The following PDZRN3 variants were observed in gnomAD, a reference collection of about 807,000 sequenced individuals.
PDZRN3 encodes PDZ domain containing ring finger 3, also known as E3 ubiquitin-protein ligase PDZRN3.
PDZRN3 carries 38 observed loss-of-function variants against 85.7 expected under a neutral mutation model. The ratio of observed to expected loss-of-function variants is 0.44; its 90% confidence interval spans 0.34 to 0.58. The LOEUF is 0.58. Among genes scored for constraint, PDZRN3 ranks in the 20% least tolerant of loss-of-function variants. The pLI is 0.01. For synonymous variants in PDZRN3, 759 were observed against 638.0 expected (o/e 1.19, Z -2.86); for missense variants, 1,629 against 1,506.4 (o/e 1.08, Z -1.35).
At chr3:73,427,902 G>A (rs1264664523) in intron 3 of PDZRN3, among the ~76,000 whole-genome samples, 2 of 152,216 alleles carry the variant, frequency 1.3e-5, no homozygotes. Flanking sequence ...AAATACAGGA[G>A]CGGTGCACAG....
chr3:73,624,067 C>A, intron 1 of PDZRN3, 36 bp downstream of exon 1: 1 of 1,406,660 alleles, frequency 7.1e-7, no homozygotes, highest in Non-Finnish European at 9.2e-7. Context: ...CCCCAGGGAT[C>A]CTGGCTGGAG....
chr3:73,537,463 C>G (rs908003049), intron 3 of PDZRN3, among the ~76,000 whole-genome samples: 4 of 152,198 alleles, frequency 2.6e-5, no homozygotes, highest in Non-Finnish European at 4.4e-5. Flanking sequence ...ACCTGTGACA[C>G]TAATCAGTCT....
chr3:73,390,654 T>TGTGTGTGTGAGAGAGA, intron 6 of PDZRN3, among the ~76,000 whole-genome samples: 1 of 140,052 alleles, frequency 7.1e-6, no homozygotes, highest in South Asian at 2.4e-4. Context: ...TGTGTGTGTG[T>TGTGTGTGTGAGAGAGA]GAGAGAGAGA....
chr3:73,412,819 A>G (rs1424183282), intron 3 of PDZRN3, among the ~76,000 whole-genome samples: 1 of 152,224 alleles, frequency 6.6e-6, no homozygotes, highest in Non-Finnish European at 1.5e-5. Flanking sequence ...GCTATTTATT[A>G]TCCTCATTGA....
chr3:73,462,992 T>C (rs1037800347), intron 3 of PDZRN3, among the ~76,000 whole-genome samples: 1 of 152,234 alleles, frequency 6.6e-6, no homozygotes, highest in African/African-American at 2.4e-5. Flanking sequence ...TCAGTCATTT[T>C]GTTTTGTGAC....
At chr3:73,413,166 A>C (rs1031689307) in intron 3 of PDZRN3, among the ~76,000 whole-genome samples, 2 of 152,132 alleles carry the variant, frequency 1.3e-5, no homozygotes, top group Non-Finnish European at 1.5e-5. Flanking sequence ...CCTCATCTAT[A>C]AACAGGGTTG....
At chr3:73,448,762 T>G (rs893629400) in intron 3 of PDZRN3, among the ~76,000 whole-genome samples, 2 of 152,184 alleles carry the variant, frequency 1.3e-5, no homozygotes, top group Non-Finnish European at 2.9e-5. Context: ...GCCAGAATAA[T>G]TTGTGGCTAC....
At chr3:73,436,673 A>G (rs1702536157) in intron 3 of PDZRN3, among the ~76,000 whole-genome samples, 1 of 152,176 alleles carries the variant, frequency 6.6e-6, no homozygotes, top group Non-Finnish European at 1.5e-5. Context: ...AAGCTGGGAC[A>G]GTTTTACTGC....
intron 8 of PDZRN3, among the ~76,000 whole-genome samples, chr3:73,386,856 C>CTG (rs1701403442): frequency 2.9e-5 from 2 of 69,022 alleles, no homozygotes; most frequent in African/African-American, 1.4e-4. Context: ...CACTGTCTGT[C>CTG]TCTCGGCTTT....
At chr3:73,566,403 A>G (rs1404946028) in intron 3 of PDZRN3, among the ~76,000 whole-genome samples, 1 of 152,236 alleles carries the variant, frequency 6.6e-6, no homozygotes, top group Non-Finnish European at 1.5e-5. Flanking sequence ...TTATCCATAA[A>G]ATTCTCTTAG....
At chr3:73,403,611 A>T (rs193015059) in intron 4 of PDZRN3, among the ~76,000 whole-genome samples, 1 of 152,266 alleles carries the variant, frequency 6.6e-6, no homozygotes, top group East Asian at 1.9e-4. Context: ...AAATAAGTTG[A>T]GAGAAGAGGT....
rs1411624848 is a variant in PDZRN3 at position 73,384,653 on chromosome 3, A to C, written c.1913T>G (p.Ile638Ser). The C allele has an allele frequency of 1.2e-6, 2 of 1,613,916 alleles. No individual in the cohort carries two copies. The highest frequency in any genetic ancestry group is 3.3e-5 in the Admixed American group (2 of 60,022). ...GAAGCGCTCGCACTCGTCCACCGGG[A>C]TCCCCAGGTAGTCGGCGTCCGTGCA... ...ADCTDADYLG[I>S]PVDECERFRE... Residue 638 changes from isoleucine (I) to serine (S), a missense_variant, in exon 10 of 10, where the codon ATC becomes AGC. By Grantham distance (142) the Ile-to-Ser change is moderately radical (BLOSUM62 -2). Coordinates refer to ENST00000263666, the MANE Select transcript of PDZRN3 (RefSeq NM_015009.3).
chr3:73,521,677 ATTATTCTTC>A (rs1429789263), intron 3 of PDZRN3, among the ~76,000 whole-genome samples: 1 of 151,668 alleles, frequency 6.6e-6, no homozygotes, highest in Non-Finnish European at 1.5e-5. Flanking sequence ...CTGCGTTGTA[ATTATTCTTC>A]TTATTATTAT....
intron 3 of PDZRN3, among the ~76,000 whole-genome samples, chr3:73,438,749 C>T (rs930325146): frequency 4.6e-5 from 7 of 152,182 alleles, no homozygotes; most frequent in Admixed American, 6.5e-5. Flanking sequence ...TACTACTGTT[C>T]GCCGGGCTAG....
In PDZRN3 at chr3:73,511,610, A is replaced by G. The variant is rs569471489; in HGVS notation, c.918+90744T>C. Among the ~76,000 whole-genome samples the G allele has an allele frequency of 8.0e-4, 122 of 152,336 alleles. 1 individual carries two copies. Among genetic ancestry groups the G allele is most frequent in the African/African-American group, 2.8e-3 (117 of 41,566 alleles). On this transcript the variant is annotated intron_variant, in intron 3 of 9. Transcript: ENST00000263666. ...GCCAATGAGGGGAACAGATCTGGGG[A>G]TGGAGGCAGATAATGGCAGCATTTC... is the stretch of plus-strand genomic sequence containing the variant.
Position 73,624,418 on chromosome 3 carries a change from C to T in PDZRN3, c.408G>A (p.Ala136=), listed in dbSNP as rs1481849805. The change falls in exon 1 of 10, where the codon GCG becomes GCA. Residue 136 remains alanine, a synonymous_variant. Coordinates refer to ENST00000263666, the MANE Select transcript of PDZRN3 (RefSeq NM_015009.3). ...CCTCCTGGCAGCGGCCCACTGGCCG[C>T]GCGTCGCAGGCGTCGCGCATGTGCG... ...VEAHMRDACD[A]RPVGRCQEGC... The T allele has an allele frequency of 2.2e-5, 28 of 1,301,774 alleles. No homozygotes were observed. Among genetic ancestry groups the T allele is most frequent in the Non-Finnish European group, 2.7e-5 (28 of 1,030,580 alleles). 80.6% of individuals were successfully genotyped at this position (1,301,774 alleles called of 1,614,324 possible).
intron 3 of PDZRN3, among the ~76,000 whole-genome samples, chr3:73,552,904 C>T (rs1449740290): frequency 6.6e-6 from 1 of 152,226 alleles, no homozygotes; most frequent in Non-Finnish European, 1.5e-5. Context: ...GCAGCTTCAG[C>T]CTACTTGAGA....
At chr3:73,537,727 C>G (rs981597009) in intron 3 of PDZRN3, among the ~76,000 whole-genome samples, 1 of 151,920 alleles carries the variant, frequency 6.6e-6, no homozygotes, top group Non-Finnish European at 1.5e-5. Flanking sequence ...TCAAGCGATT[C>G]TTCTACCTCA....
chr3:73,575,753 G>T (rs964396076), intron 3 of PDZRN3, among the ~76,000 whole-genome samples: 2 of 152,196 alleles, frequency 1.3e-5, no homozygotes, highest in African/African-American at 4.8e-5. Flanking sequence ...AGGTTCTTCA[G>T]CTCTGTATGC....
Sources: gnomAD v4.1 joint callset for allele counts (sites outside exome capture counted in the v4.1 genomes callset) on GRCh38, gnomAD v4.1.1 for gene constraint, MANE v1.5 for transcripts, NCBI Gene and HGNC (gene_info 2026-07-23, HGNC 2026-07-21) for gene names.